SDK1: variants seen among roughly 807,000 people sequenced by gnomAD.
SDK1 encodes the protein protein sidekick-1.
A neutral mutation model predicts 245.5 loss-of-function variants in SDK1; 157 were observed. The observed-to-expected ratio is 0.64, with a 90% CI of 0.56 to 0.73. SDK1 has a LOEUF of 0.73. Among genes scored for constraint, SDK1 ranks in the 30% least tolerant of loss-of-function variants. The pLI is 0.00. For synonymous variants in SDK1, 1,647 were observed against 1,278.5 expected (o/e 1.29, Z -6.15); for missense variants, 3,583 against 3,002.3 (o/e 1.19, Z -4.52).
At chr7:4,206,207 A>G (rs1264469424) in intron 36 of SDK1, among the ~76,000 whole-genome samples, 1 of 152,194 alleles carries the variant, frequency 6.6e-6, no homozygotes, top group Non-Finnish European at 1.5e-5. Context: ...CTCACTGCAC[A>G]CCTGGCTGTG....
chr7:4,100,441 A>G (rs990969613), intron 22 of SDK1, among the ~76,000 whole-genome samples: 7 of 152,164 alleles, frequency 4.6e-5, no homozygotes, highest in Admixed American at 6.5e-5. Flanking sequence ...GAGCTAAGGC[A>G]GGCACCAGGC....
At chr7:3,865,585 C>T (rs1029551938) in intron 5 of SDK1, among the ~76,000 whole-genome samples, 4 of 152,056 alleles carry the variant, frequency 2.6e-5, no homozygotes, top group African/African-American at 9.7e-5. Flanking sequence ...CACAGCTCAC[C>T]GCAGCTTCAA....
At chr7:3,338,511 C>A (rs1322929084) in intron 1 of SDK1, 2 of 450,312 alleles carry the variant, frequency 4.4e-6, no homozygotes, top group African/African-American at 2.0e-5. Context: ...AGCTGAAGAG[C>A]CAGCCTGTTC....
rs1355231015 is a variant in SDK1 at position 4,268,804 on chromosome 7, GC to G, written c.*3423del. On this transcript the variant is annotated 3_prime_UTR_variant, in exon 45 of 45. Coordinates refer to ENST00000404826, the MANE Select transcript of SDK1 (RefSeq NM_152744.4). ...ACGTGGAAACTCATGAGCTGAGCCT[GC>G]CCGCTGGGACACGTCTCCTTCCCGC... 7.8e-7 allele frequency: 1 copy of G among 1,281,850 alleles called. No homozygotes were observed. Among genetic ancestry groups the G allele is most frequent in the Non-Finnish European group, 1.1e-6 (1 of 944,046 alleles). 79.4% of individuals were successfully genotyped at this position (1,281,850 alleles called of 1,614,324 possible).
chr7:3,357,328 GTTTTT>G (rs560124026), intron 1 of SDK1, among the ~76,000 whole-genome samples: 1 of 52,946 alleles, frequency 1.9e-5, no homozygotes, highest in Non-Finnish European at 3.5e-5. Flanking sequence ...TTCTTTTAGT[GTTTTT>G]TTTTTTTTTT....
chr7:3,362,441 G>A (rs1173935440), intron 1 of SDK1, among the ~76,000 whole-genome samples: 7 of 152,064 alleles, frequency 4.6e-5, no homozygotes, highest in Admixed American at 4.6e-4. Flanking sequence ...ATATATAGCA[G>A]CAGAAAATTT....
At chr7:3,808,731 C>T (rs1304087040) in intron 4 of SDK1, among the ~76,000 whole-genome samples, 2 of 152,046 alleles carry the variant, frequency 1.3e-5, no homozygotes, top group African/African-American at 2.4e-5. Context: ...ACTTGTTTTC[C>T]AGAACAGTGT....
intron 40 of SDK1, among the ~76,000 whole-genome samples, chr7:4,224,567 A>G (rs1785315454): frequency 6.6e-6 from 1 of 152,188 alleles, no homozygotes. Flanking sequence ...ATTCAACCTG[A>G]GATTTGGGTG....
chr7:3,454,111 T>A (rs1412230028), intron 1 of SDK1, among the ~76,000 whole-genome samples: 2 of 152,190 alleles, frequency 1.3e-5, no homozygotes, highest in Non-Finnish European at 2.9e-5. Context: ...CACCAGCTGC[T>A]TTTTTACTTA....
intron 5 of SDK1, among the ~76,000 whole-genome samples, chr7:3,834,786 G>A (rs1779993600): frequency 6.6e-6 from 1 of 152,176 alleles, no homozygotes; most frequent in Non-Finnish European, 1.5e-5. Context: ...AGTGCATGAC[G>A]AGTAATAAGG....
chr7:3,950,834 G>C (rs77693552), intron 5 of SDK1, 89 bp from the exon 6 acceptor site: 3 of 932,720 alleles, frequency 3.2e-6, no homozygotes, highest in East Asian at 2.6e-5. Flanking sequence ...AGGTATCCCC[G>C]GGGGTCTTGG....
At chr7:4,250,495 C>G (rs970058094) in intron 44 of SDK1, among the ~76,000 whole-genome samples, 1 of 152,176 alleles carries the variant, frequency 6.6e-6, no homozygotes, top group Non-Finnish European at 1.5e-5. Context: ...AGGCACCTGA[C>G]ACTATGCCCA....
chr7:3,603,464 C>A (rs1269136658), intron 1 of SDK1, among the ~76,000 whole-genome samples: 1 of 151,386 alleles, frequency 6.6e-6, no homozygotes, highest in East Asian at 1.9e-4. Context: ...GGAGTTCACT[C>A]ATGATTTGGC....
intron 4 of SDK1, among the ~76,000 whole-genome samples, chr7:3,673,113 G>A (rs183091751): frequency 6.6e-6 from 1 of 151,956 alleles, no homozygotes; most frequent in Non-Finnish European, 1.5e-5. Context: ...GTAAGGCAGC[G>A]GTTCCTCAAT....
chr7:3,822,400 GATTT>G (rs914761588), intron 5 of SDK1, among the ~76,000 whole-genome samples: 7 of 152,176 alleles, frequency 4.6e-5, no homozygotes, highest in African/African-American at 1.4e-4. Context: ...GAATTATATT[GATTT>G]GTTTGTATAG....
chr7:3,538,384 C>G (rs116461053), intron 1 of SDK1, among the ~76,000 whole-genome samples: 1 of 152,080 alleles, frequency 6.6e-6, no homozygotes, highest in East Asian at 1.9e-4. Context: ...TTGAAAAAAT[C>G]AGTTCAGGTA....
In SDK1 at chr7:3,974,580, C is replaced by T. The variant is rs552667511; in HGVS notation, c.1994+35C>T. On this transcript the variant is annotated intron_variant, in intron 13 of 44. Transcript: ENST00000404826. ...GAGACGTTTGGTGTTAGCCAGTCCG[C>T]GGTTTTCTCCGTTACTGTGCCCCTG... 4.6e-4 allele frequency: 741 copies of T among 1,594,040 alleles called. 9 individuals carry two copies. The South Asian group carries it at 6.4e-3, about 14-fold the overall frequency.
intron 1 of SDK1, among the ~76,000 whole-genome samples, chr7:3,468,111 ATCAT>A (rs1373301235): frequency 2.0e-5 from 3 of 152,324 alleles, no homozygotes; most frequent in East Asian, 1.9e-4. Context: ...GCAGAGAGAA[ATCAT>A]TCATTTCAGT....
chr7:3,440,791 C>G (rs759790283), intron 1 of SDK1, among the ~76,000 whole-genome samples: 1 of 152,150 alleles, frequency 6.6e-6, no homozygotes, highest in Non-Finnish European at 1.5e-5. Flanking sequence ...TGTTGCACCT[C>G]AAACTGCAAA....
Sources: gnomAD v4.1 joint callset for allele counts (sites outside exome capture counted in the v4.1 genomes callset) on GRCh38, gnomAD v4.1.1 for gene constraint, MANE v1.5 for transcripts, NCBI Gene and HGNC (gene_info 2026-07-23, HGNC 2026-07-21) for gene names.